Variants in AATF observed in about 807,000 individuals in gnomAD.
The protein encoded by AATF is protein AATF.
A neutral mutation model predicts 63.7 loss-of-function variants in AATF; 48 were observed. The observed-to-expected ratio is 0.75, with a 90% CI of 0.60 to 0.96. The LOEUF (loss-of-function observed/expected upper bound fraction) is 0.96, where lower values mean the gene tolerates loss of function less well. Ranked by LOEUF, AATF falls within the 40% of genes least tolerant of loss-of-function variation. The pLI, the probability that AATF is intolerant of heterozygous loss-of-function variation, is 0.00. For missense variants in AATF, 639 were observed against 685.7 expected (o/e 0.93, Z 0.76); for synonymous variants, 258 against 247.7 (o/e 1.04, Z -0.39).
At chr17:36,988,382 T>G in intron 5 of AATF, 137 bp from the exon 6 acceptor site, 1 of 786,944 alleles carries the variant, frequency 1.3e-6, no homozygotes, top group Non-Finnish European at 2.0e-6. Flanking sequence ...AAAGCCATCC[T>G]TATATCTTTG....
At chr17:36,985,083 G>C (rs577680373) in intron 4 of AATF, among the ~76,000 whole-genome samples, 1 of 152,032 alleles carries the variant, frequency 6.6e-6, no homozygotes, top group East Asian at 1.9e-4. Context: ...TATACTTTTA[G>C]TACAGACGGG....
intron 11 of AATF, among the ~76,000 whole-genome samples, chr17:37,034,238 G>A (rs150436938): frequency 1.3e-5 from 2 of 152,292 alleles, no homozygotes; most frequent in African/African-American, 4.8e-5. Flanking sequence ...GTTTGAATAG[G>A]CCAGATTAAC....
In AATF at chr17:36,953,412, A is replaced by G. The variant is rs1421510796; in HGVS notation, c.694+116A>G. The G allele has an allele frequency of 4.0e-6, 6 of 1,485,786 alleles. No individual in the cohort carries two copies. In the Admixed American group the frequency reaches 1.2e-4, roughly 29 times the overall value. The allele number at this position is 1,485,786 out of a possible 1,614,324, so 92.0% of individuals were successfully genotyped here. A position where few individuals can be genotyped will look rare whatever the true frequency, so the allele number is the denominator to read the frequency against. On this transcript the variant is annotated intron_variant, in intron 3 of 11. Coordinates refer to ENST00000619387, the MANE Select transcript of AATF (RefSeq NM_012138.4). ...CCTGTGTCCTTTCAATTAGTTTGTG[A>G]CATGCCCCACTTACCCAGAAGCCTA...
At position 36,953,893 on chromosome 17, in the gene AATF, G is replaced by A. The variant is rs201043742; in HGVS notation, c.818G>A (p.Ser273Asn). The A allele has an allele frequency of 1.2e-6, 2 of 1,613,504 alleles. No homozygotes were observed. Among genetic ancestry groups the A allele is most frequent in the Non-Finnish European group, 1.7e-6 (2 of 1,179,870 alleles). ...FKDKGGPEFS[S>N]ALKNSHKALK... is the part of the protein sequence containing the mutation. ...GACAAAGGTGGCCCAGAATTTTCCA[G>A]TGCCCTGAAAAATAGTAAGAATACT... Residue 273 changes from serine (S) to asparagine (N), a missense_variant, in exon 4 of 12, where the codon AGT becomes AAT. Physicochemically the swap from Ser to Asn is conservative, Grantham distance 46. Transcript: ENST00000619387.
intron 4 of AATF, among the ~76,000 whole-genome samples, chr17:36,981,038 AG>A (rs2071119654): frequency 6.6e-6 from 1 of 151,988 alleles, no homozygotes; most frequent in Admixed American, 6.6e-5. Context: ...GACTGGGTGA[AG>A]GGGTGTATAA....
chr17:36,995,768 G>C (rs924343871), intron 8 of AATF, among the ~76,000 whole-genome samples: 3 of 151,574 alleles, frequency 2.0e-5, no homozygotes, highest in African/African-American at 7.3e-5. Flanking sequence ...GGGTTTTGCT[G>C]TGTTGCCCAG....
intron 4 of AATF, among the ~76,000 whole-genome samples, chr17:36,964,990 A>G (rs73283971): frequency 0.039 from 5,885 of 152,222 alleles, 376 homozygotes; most frequent in African/African-American, 0.13. Context: ...ACATGCATCC[A>G]GAGTAAGTTA....
intron 4 of AATF, among the ~76,000 whole-genome samples, chr17:36,961,300 G>A (rs2070945159): frequency 6.6e-6 from 1 of 152,114 alleles, no homozygotes; most frequent in Non-Finnish European, 1.5e-5. Context: ...ACATATTTGT[G>A]CAGTTTGTCT....
chr17:37,022,576 A>G (rs1175212864), intron 10 of AATF, among the ~76,000 whole-genome samples: 1 of 152,120 alleles, frequency 6.6e-6, no homozygotes, highest in Non-Finnish European at 1.5e-5. Flanking sequence ...CTCTAGGTTC[A>G]TTTTTAGAGG....
At chr17:36,992,339 G>A (rs1047810957) in intron 8 of AATF, among the ~76,000 whole-genome samples, 55 of 152,242 alleles carry the variant, frequency 3.6e-4, no homozygotes, top group African/African-American at 1.3e-3. Flanking sequence ...CCCTGTCAGA[G>A]GTCCTGATTC....
At chr17:37,036,772 T>C (rs2071595777) in intron 11 of AATF, among the ~76,000 whole-genome samples, 1 of 152,198 alleles carries the variant, frequency 6.6e-6, no homozygotes, top group South Asian at 2.1e-4. Flanking sequence ...TTCTATGTGC[T>C]GGTCTAGTAG....
chr17:36,968,005 CAT>C (rs945870978), intron 4 of AATF, among the ~76,000 whole-genome samples: 2 of 151,292 alleles, frequency 1.3e-5, no homozygotes, highest in African/African-American at 2.4e-5. Flanking sequence ...TCTAGAAATT[CAT>C]ATCTTTCAGT....
chr17:37,044,527 A>G (rs1165475969), intron 11 of AATF, among the ~76,000 whole-genome samples: 1 of 152,098 alleles, frequency 6.6e-6, no homozygotes, highest in African/African-American at 2.4e-5. Context: ...TGTATACACT[A>G]TAGGTTTTCT....
At chr17:36,979,554 T>C (rs78998015) in intron 4 of AATF, among the ~76,000 whole-genome samples, 3,063 of 152,262 alleles carry the variant, frequency 0.02, 85 homozygotes, top group African/African-American at 0.069. Context: ...GCTCTTGTAA[T>C]CTGTAAATTC....
intron 8 of AATF, among the ~76,000 whole-genome samples, chr17:37,014,362 G>A (rs890151973): frequency 1.3e-5 from 2 of 151,954 alleles, no homozygotes; most frequent in Non-Finnish European, 2.9e-5. Context: ...AAGGTACCTT[G>A]CTGTCCTCTG....
intron 10 of AATF, among the ~76,000 whole-genome samples, chr17:37,021,590 C>T (rs929146422): frequency 2.0e-5 from 3 of 151,940 alleles, no homozygotes; most frequent in African/African-American, 7.3e-5. Context: ...GATCATGCCA[C>T]TGCACTCCAG....
chr17:36,981,678 T>G lies in AATF; in HGVS notation c.833-4939T>G, dbSNP rs1468196447. Among the ~76,000 whole-genome samples the G allele has an allele frequency of 2.0e-5, 3 of 150,534 alleles. No individual in the cohort carries two copies. The East Asian group carries it at 5.8e-4, about 29-fold the overall frequency. On this transcript the variant is annotated intron_variant, in intron 4 of 11. Transcript: ENST00000619387. ...CTTTCTTCCTCTTTCTTCTTTCTTC[T>G]TTCTTCTTCTTCTTCTTTCTTTTCT...
intron 4 of AATF, among the ~76,000 whole-genome samples, chr17:36,958,417 G>A (rs1327795796): frequency 6.6e-6 from 1 of 152,012 alleles, no homozygotes; most frequent in Non-Finnish European, 1.5e-5. Context: ...CACCCACCTT[G>A]GCCTCTCAAA....
Position 36,990,864 on chromosome 17 carries a change from CTT to C in AATF, c.1398+10_1398+11del. 1 of 1,549,342 alleles carries C rather than the reference CTT, an allele frequency of 6.5e-7. No homozygotes were observed. Among genetic ancestry groups the C allele is most frequent in the African/African-American group, 1.4e-5 (1 of 71,260 alleles). On this transcript the variant is annotated splice_region_variant and intron_variant, in intron 8 of 11. Coordinates refer to ENST00000619387, the MANE Select transcript of AATF (RefSeq NM_012138.4). Reference sequence around the variant, plus strand: ...TGATGACTTTTACCACCAGGTGAGACTTTTACACTCTCTTGTTACAAATCATG... The same window carrying C: ...TGATGACTTTTACCACCAGGTGAGACTTACACTCTCTTGTTACAAATCATG...
Sources: gnomAD v4.1 joint callset for allele counts (sites outside exome capture counted in the v4.1 genomes callset) on GRCh38, gnomAD v4.1.1 for gene constraint, MANE v1.5 for transcripts, NCBI Gene and HGNC (gene_info 2026-07-23, HGNC 2026-07-21) for gene names.